Variants in TMED3 observed in about 807,000 individuals in gnomAD.
The protein encoded by TMED3 is transmembrane emp24 domain-containing protein 3.
In TMED3, 9 loss-of-function variants were observed where a neutral mutation model predicts 15.0. The ratio of observed to expected loss-of-function variants is 0.60; its 90% confidence interval spans 0.36 to 1.04. The LOEUF is 1.04. Among genes scored for constraint, TMED3 ranks in the 50% least tolerant of loss-of-function variants. The pLI is 0.01. For synonymous variants in TMED3, 117 were observed against 121.4 expected (o/e 0.96, Z 0.24); for missense variants, 267 against 278.9 (o/e 0.96, Z 0.30).
chr15:79,370,779 A>T (rs1300607842), intron 2 of TMED3, among the ~76,000 whole-genome samples: 1 of 152,008 alleles, frequency 6.6e-6, no homozygotes, highest in Non-Finnish European at 1.5e-5. Flanking sequence ...AATGGGAGGG[A>T]ATGTTGTTGT....
intron 2 of TMED3, among the ~76,000 whole-genome samples, chr15:79,342,180 A>T (rs556542017): frequency 1.3e-5 from 2 of 152,340 alleles, no homozygotes; most frequent in African/African-American, 4.8e-5. Flanking sequence ...AAGATCTTAC[A>T]TCAACCATAT....
intron 2 of TMED3, among the ~76,000 whole-genome samples, chr15:79,385,999 T>C (rs1595908098): frequency 6.6e-6 from 1 of 152,282 alleles, no homozygotes; most frequent in East Asian, 1.9e-4. Flanking sequence ...TCTACAACAC[T>C]AGACCAGGGG....
intron 2 of TMED3, among the ~76,000 whole-genome samples, chr15:79,404,346 C>T (rs1177414895): frequency 1.3e-5 from 2 of 152,162 alleles, no homozygotes; most frequent in Non-Finnish European, 1.5e-5. Flanking sequence ...ACAGGACAAA[C>T]ATTTAGCTGC....
chr15:79,315,568 T>C (rs940152114), intron 2 of TMED3, among the ~76,000 whole-genome samples: 2 of 152,190 alleles, frequency 1.3e-5, no homozygotes, highest in African/African-American at 4.8e-5. Context: ...GAAAACAAAT[T>C]GGTAGGAAAA....
chr15:79,377,417 G>A (rs1044144554), intron 2 of TMED3, among the ~76,000 whole-genome samples: 1 of 152,032 alleles, frequency 6.6e-6, no homozygotes, highest in Admixed American at 6.6e-5. Flanking sequence ...AGTGTCTGAA[G>A]TATGGAGAGT....
intron 2 of TMED3, among the ~76,000 whole-genome samples, chr15:79,410,024 C>G (rs938487505): frequency 6.6e-6 from 1 of 152,096 alleles, no homozygotes; most frequent in Non-Finnish European, 1.5e-5. Flanking sequence ...TGGATTGGTA[C>G]TTTTCACTAC....
intron 2 of TMED3, among the ~76,000 whole-genome samples, chr15:79,379,383 A>G (rs1893481358): frequency 6.6e-6 from 1 of 152,204 alleles, no homozygotes; most frequent in Non-Finnish European, 1.5e-5. Flanking sequence ...ATTCAGTCAC[A>G]TTAGGTTTAC....
At chr15:79,411,381 A>G (rs1217301348) in intron 2 of TMED3, 7 of 702,148 alleles carry the variant, frequency 1.0e-5, no homozygotes, top group Non-Finnish European at 2.6e-6. Flanking sequence ...AAATCTTTTT[A>G]TCTTTTTGAA....
intron 1 of TMED3, among the ~76,000 whole-genome samples, chr15:79,312,628 A>T (rs2058720730): frequency 6.6e-6 from 1 of 152,194 alleles, no homozygotes; most frequent in Non-Finnish European, 1.5e-5. Flanking sequence ...GATCTTGGTT[A>T]TAGCCATTGC....
intron 2 of TMED3, among the ~76,000 whole-genome samples, chr15:79,367,136 T>C (rs550681008): frequency 3.7e-4 from 57 of 152,300 alleles, no homozygotes; most frequent in South Asian, 1.2e-3. Flanking sequence ...AGGATTTAGG[T>C]GGAGACCTAA....
chr15:79,404,303 A>G (rs1434387378), intron 2 of TMED3, among the ~76,000 whole-genome samples: 2 of 152,214 alleles, frequency 1.3e-5, no homozygotes, highest in Non-Finnish European at 2.9e-5. Context: ...GGCTGGTACC[A>G]TATCAAAGAC....
At chr15:79,354,824 C>T (rs11632114) in intron 2 of TMED3, among the ~76,000 whole-genome samples, 24,110 of 152,014 alleles carry the variant, frequency 0.16, 1,890 homozygotes, top group Middle Eastern at 0.2. Flanking sequence ...TTCAACTGTT[C>T]CCCTTCAAGC....
At chr15:79,365,496 A>G (rs1893214663) in intron 2 of TMED3, among the ~76,000 whole-genome samples, 1 of 152,206 alleles carries the variant, frequency 6.6e-6, no homozygotes, top group South Asian at 2.1e-4. Flanking sequence ...CTTTCTCCAA[A>G]GGTGATTTTG....
intron 2 of TMED3, among the ~76,000 whole-genome samples, chr15:79,390,899 T>C (rs1893687713): frequency 6.6e-6 from 1 of 152,040 alleles, no homozygotes; most frequent in Admixed American, 6.6e-5. Context: ...TTGAACCATC[T>C]TTTATATTTC....
At position 79,367,804 on chromosome 15, in the gene TMED3, G is replaced by T. The variant is rs574136626; in HGVS notation, c.418-43596G>T. Among the ~76,000 whole-genome samples the T allele has an allele frequency of 4.8e-4, 73 of 152,308 alleles. No individual in the cohort carries two copies. In the Middle Eastern group the frequency reaches 0.017, roughly 35 times the overall value. On this transcript the variant is annotated intron_variant, in intron 2 of 2. Transcript: ENST00000424155. ...TTGCACATTGGTTTTGCCCTAAAGG[G>T]TTAAATGTCTTGAAACAGGGTCTTA... is the stretch of plus-strand genomic sequence containing the variant.
chr15:79,402,752 C>T (rs533272026), intron 2 of TMED3, among the ~76,000 whole-genome samples: 27 of 152,060 alleles, frequency 1.8e-4, no homozygotes, highest in Non-Finnish European at 3.7e-4. Context: ...TGCCACTGCA[C>T]TCCAGCCTGG....
At chr15:79,344,895 G>A (rs1165608793) in intron 2 of TMED3, among the ~76,000 whole-genome samples, 1 of 152,224 alleles carries the variant, frequency 6.6e-6, no homozygotes, top group Non-Finnish European at 1.5e-5. Flanking sequence ...TTAAAGCTTT[G>A]CTGTGTTTGA....
chr15:79,407,044 T>C (rs2174825), intron 2 of TMED3, among the ~76,000 whole-genome samples: 150,468 of 152,330 alleles, frequency 0.99, 74,350 homozygotes, highest in East Asian at 1. Context: ...CTCTTTCACG[T>C]GTTTCCAGGG....
chr15:79,408,163 G>T (rs1368389233), intron 2 of TMED3, among the ~76,000 whole-genome samples: 1 of 152,224 alleles, frequency 6.6e-6, no homozygotes, highest in Non-Finnish European at 1.5e-5. Context: ...TTCTTCATCT[G>T]TAAGAATGTA....
Sources: allele counts gnomAD v4.1 joint callset (sites outside exome capture counted in the v4.1 genomes callset), GRCh38; gene constraint gnomAD v4.1.1; transcripts MANE v1.5; gene names NCBI Gene and HGNC (gene_info 2026-07-23, HGNC 2026-07-21).